REV3L: variants seen among roughly 807,000 people sequenced by gnomAD.
The protein encoded by REV3L is REV3 like, DNA directed polymerase zeta catalytic subunit.
Under a neutral mutation model 299.4 loss-of-function variants are expected in REV3L, and 69 were observed. The observed-to-expected ratio is 0.23, with a 90% CI of 0.19 to 0.28. REV3L has a LOEUF of 0.28. REV3L is among the 10% of genes least tolerant of loss of function. The pLI is 1.00. For synonymous variants in REV3L, 1,238 were observed against 1,271.4 expected (o/e 0.97, Z 0.56); for missense variants, 3,128 against 3,693.8 (o/e 0.85, Z 3.97).
intron 1 of REV3L, among the ~76,000 whole-genome samples, chr6:111,448,056 A>G (rs1789063699): frequency 6.6e-6 from 1 of 152,202 alleles, no homozygotes; most frequent in South Asian, 2.1e-4. Context: ...CTGTTCACCC[A>G]AGATATGAAT....
upstream of REV3L, chr6:111,483,420 G>A: frequency 2.3e-6 from 1 of 428,950 alleles, no homozygotes. Context: ...GGCAGCGCCC[G>A]CGCGGGATCG....
At chr6:111,473,876 C>T (rs1159425978) in intron 1 of REV3L, among the ~76,000 whole-genome samples, 3 of 152,126 alleles carry the variant, frequency 2.0e-5, no homozygotes, top group Non-Finnish European at 2.9e-5. Flanking sequence ...CTGTAGGACA[C>T]TGGACAAATC....
chr6:111,302,187 T>C (rs1334191903), intron 31 of REV3L, among the ~76,000 whole-genome samples: 2 of 152,244 alleles, frequency 1.3e-5, no homozygotes, highest in Admixed American at 6.5e-5. Context: ...CTTACAAACA[T>C]GTGCTTCAGT....
intron 1 of REV3L, among the ~76,000 whole-genome samples, chr6:111,436,631 G>A (rs1787587961): frequency 6.6e-6 from 1 of 152,108 alleles, no homozygotes; most frequent in Admixed American, 6.6e-5. Flanking sequence ...AGCTGAGAAG[G>A]GTGGGGGTGC....
chr6:111,367,143 T>C lies in REV3L; in HGVS notation c.6645A>G (p.Glu2215=), dbSNP rs557564407. ...TTGATAATGGGCTAAGGCCAGGTGC[T>C]TCAGGAAGCCTTTCCAGAAGTTTTC... The part of the protein sequence containing the change: ...IQRKLLERLP[E]APGLSPLSTE... Residue 2215 remains glutamate, a synonymous_variant, in exon 14 of 32, where the codon GAA becomes GAG. Transcript: ENST00000368802. The C allele has an allele frequency of 6.2e-7, 1 of 1,604,380 alleles. No homozygotes were observed. Among genetic ancestry groups the C allele is most frequent in the South Asian group, 1.1e-5 (1 of 89,084 alleles).
intron 31 of REV3L, among the ~76,000 whole-genome samples, chr6:111,305,583 C>A (rs1427334896): frequency 6.6e-6 from 1 of 151,198 alleles, no homozygotes; most frequent in South Asian, 2.1e-4. Context: ...TGAGACCCTA[C>A]CTCAAAAATA....
chr6:111,303,021 T>G (rs1771751481), intron 31 of REV3L, among the ~76,000 whole-genome samples: 2 of 152,202 alleles, frequency 1.3e-5, no homozygotes, highest in South Asian at 2.1e-4. Flanking sequence ...TGATTTGCAG[T>G]GTTTTCATTT....
Position 111,423,423 on chromosome 6 carries a change from T to C in REV3L, c.140-6951A>G, listed in dbSNP as rs79301284. Reference sequence around the variant, plus strand: ...CAGAAACCTGACAGCAACAGAAACATGGCATCTGGGAACAGGAAAAGTGTA... The same window carrying C: ...CAGAAACCTGACAGCAACAGAAACACGGCATCTGGGAACAGGAAAAGTGTA... On this transcript the variant is annotated intron_variant, in intron 1 of 31. Coordinates refer to ENST00000368802, the MANE Select transcript of REV3L (RefSeq NM_001372078.1). Among the ~76,000 whole-genome samples the C allele has an allele frequency of 7.7e-3, 1,170 of 151,982 alleles. 13 individuals are homozygous for C. The highest frequency in any genetic ancestry group is 0.027 in the African/African-American group (1,107 of 41,420).
At chr6:111,441,283 C>G (rs1219538692) in intron 1 of REV3L, among the ~76,000 whole-genome samples, 1 of 152,046 alleles carries the variant, frequency 6.6e-6, no homozygotes, top group Non-Finnish European at 1.5e-5. Context: ...GACAGGGTCT[C>G]GCTCTGTCAC....
chr6:111,477,399 T>C (rs1300187950), intron 1 of REV3L, among the ~76,000 whole-genome samples: 1 of 152,230 alleles, frequency 6.6e-6, no homozygotes. Context: ...GAAATTACAA[T>C]GACAGCAAGT....
At chr6:111,351,599 C>T in intron 19 of REV3L, 77 bp downstream of exon 19, 1 of 1,128,750 alleles carries the variant, frequency 8.9e-7, no homozygotes, top group African/African-American at 1.6e-5. Flanking sequence ...AGCATAAGTA[C>T]TCTTTAACAT....
intron 4 of REV3L, among the ~76,000 whole-genome samples, chr6:111,400,616 C>T (rs1048459610): frequency 2.0e-5 from 3 of 152,050 alleles, no homozygotes; most frequent in East Asian, 3.8e-4. Flanking sequence ...TACACAAGTC[C>T]TCTATCAGAT....
At chr6:111,458,020 G>A (rs1018366446) in intron 1 of REV3L, among the ~76,000 whole-genome samples, 10 of 151,604 alleles carry the variant, frequency 6.6e-5, no homozygotes, top group Admixed American at 4.0e-4. Flanking sequence ...ACAAAAATAT[G>A]TAATAGATGC....
At chr6:111,390,766 A>C (rs1014167853) in intron 5 of REV3L, among the ~76,000 whole-genome samples, 1 of 152,194 alleles carries the variant, frequency 6.6e-6, no homozygotes, top group Non-Finnish European at 1.5e-5. Context: ...AAAAGTAATG[A>C]TATCACCAGG....
chr6:111,435,440 G>A (rs552955936), intron 1 of REV3L, among the ~76,000 whole-genome samples: 12 of 152,246 alleles, frequency 7.9e-5, no homozygotes, highest in African/African-American at 2.9e-4. Flanking sequence ...AAATCAGCAT[G>A]CTATTGGCAT....
chr6:111,351,200 T>C (rs1240989950), intron 19 of REV3L, among the ~76,000 whole-genome samples: 1 of 152,084 alleles, frequency 6.6e-6, no homozygotes, highest in Non-Finnish European at 1.5e-5. Flanking sequence ...TAACTACTAG[T>C]GTTCCTCAAC....
intron 16 of REV3L, among the ~76,000 whole-genome samples, chr6:111,362,511 T>C (rs1013208067): frequency 6.6e-6 from 1 of 152,090 alleles, no homozygotes; most frequent in African/African-American, 2.4e-5. Context: ...AGAAATATAA[T>C]GAAAGTCACA....
At chr6:111,449,773 T>A (rs972796867) in intron 1 of REV3L, among the ~76,000 whole-genome samples, 5 of 151,556 alleles carry the variant, frequency 3.3e-5, no homozygotes, top group South Asian at 4.2e-4. Flanking sequence ...TACAATGATA[T>A]CCAGAACACA....
At chr6:111,432,380 G>A (rs1403469049) in intron 1 of REV3L, among the ~76,000 whole-genome samples, 1 of 152,138 alleles carries the variant, frequency 6.6e-6, no homozygotes, top group African/African-American at 2.4e-5. Context: ...GATATTCCAT[G>A]CAACTGGAAA....
Sources: allele counts gnomAD v4.1 joint callset (sites outside exome capture counted in the v4.1 genomes callset), GRCh38; gene constraint gnomAD v4.1.1; transcripts MANE v1.5; gene names NCBI Gene and HGNC (gene_info 2026-07-23, HGNC 2026-07-21).